Variants in HEATR5B observed in about 807,000 individuals in gnomAD.
HEATR5B encodes the protein HEAT repeat containing 5B.
A neutral mutation model predicts 224.1 loss-of-function variants in HEATR5B; 156 were observed. That is an observed-to-expected ratio of 0.70 (90% CI 0.61 to 0.80). The LOEUF is 0.80. Among genes scored for constraint, HEATR5B ranks in the 30% least tolerant of loss-of-function variants. HEATR5B has a pLI of 0.00. For synonymous variants in HEATR5B, 1,027 were observed against 893.0 expected, an observed-to-expected ratio of 1.15 and a Z score of -2.68; for missense variants, 2,323 against 2,535.5, an observed-to-expected ratio of 0.92 and a Z score of 1.80.
chr2:37,046,001 C>G (rs546597079), intron 18 of HEATR5B, among the ~76,000 whole-genome samples: 72 of 152,210 alleles, frequency 4.7e-4, no homozygotes, highest in African/African-American at 1.3e-3. Context: ...CCTGTACATT[C>G]TTTTAATGTT....
chr2:37,030,636 C>T (rs962998336), intron 22 of HEATR5B, among the ~76,000 whole-genome samples: 7 of 152,276 alleles, frequency 4.6e-5, no homozygotes, highest in Middle Eastern at 3.4e-3. Context: ...AATATCTATT[C>T]CCACTTTTCC....
At chr2:37,076,736 AT>A (rs2148602925) in intron 4 of HEATR5B, among the ~76,000 whole-genome samples, 174 bp downstream of exon 4, 1 of 152,084 alleles carries the variant, frequency 6.6e-6, no homozygotes, top group South Asian at 2.1e-4. Context: ...AAAGAAAAGC[AT>A]TCTTTCCCTT....
At chr2:37,045,219 G>C (rs1314490010) in intron 18 of HEATR5B, among the ~76,000 whole-genome samples, 3 of 151,146 alleles carry the variant, frequency 2.0e-5, no homozygotes, top group Admixed American at 6.6e-5. Flanking sequence ...TCTATTGATT[G>C]ATGTTTTCTC....
At chr2:37,012,495 A>AT (rs1186867553) in intron 27 of HEATR5B, among the ~76,000 whole-genome samples, 6 of 152,046 alleles carry the variant, frequency 3.9e-5, no homozygotes, top group Middle Eastern at 3.4e-3. Flanking sequence ...GGTTCAAGTG[A>AT]TTCTCCTGCC....
intron 33 of HEATR5B, among the ~76,000 whole-genome samples, chr2:36,996,682 C>A (rs1044594122): frequency 2.0e-5 from 3 of 152,098 alleles, no homozygotes; most frequent in Admixed American, 1.3e-4. Flanking sequence ...GCCTCTGCAT[C>A]CCTGGATTCA....
chr2:37,055,415 T>C (rs1670845866), intron 16 of HEATR5B, among the ~76,000 whole-genome samples: 1 of 152,192 alleles, frequency 6.6e-6, no homozygotes, highest in African/African-American at 2.4e-5. Context: ...TAACCTTGGG[T>C]AAACCAAACT....
At chr2:37,055,130 C>T (rs1479394369) in intron 16 of HEATR5B, 2 of 395,402 alleles carry the variant, frequency 5.1e-6, no homozygotes, top group Non-Finnish European at 5.3e-6. Context: ...GCACAGCCTG[C>T]TGGTTGAAAA....
chr2:37,075,839 T>C (rs1002314158), intron 4 of HEATR5B: 5 of 375,360 alleles, frequency 1.3e-5, no homozygotes, highest in East Asian at 4.3e-5. Context: ...TCTAAAAAAT[T>C]AGGTTTTAAG....
chr2:37,040,777 C>A (rs991903833), intron 19 of HEATR5B, among the ~76,000 whole-genome samples: 3 of 151,212 alleles, frequency 2.0e-5, no homozygotes, highest in African/African-American at 7.3e-5. Context: ...AGCCAATGAC[C>A]CAGGACCTAC....
intron 32 of HEATR5B, among the ~76,000 whole-genome samples, chr2:37,001,074 C>T (rs1364871523): frequency 1.3e-5 from 2 of 152,052 alleles, no homozygotes; most frequent in African/African-American, 4.8e-5. Flanking sequence ...TAATACTTCA[C>T]CTATTTAATA....
Position 37,008,792 on chromosome 2 carries a change from T to C in HEATR5B, c.4341A>G (p.Ala1447=). ...CATCATCATCGTCAGTATTTTTAAT[T>C]GCTCTTTTTGGTTTTGACTCTGCTT... ...KKEAESKPKR[A]IKNTDDDDDD... The change falls in exon 28 of 36, where the codon GCA becomes GCG. Residue 1447 remains alanine (A), a synonymous_variant. Coordinates refer to ENST00000233099, the MANE Select transcript of HEATR5B (RefSeq NM_019024.3). The C allele has an allele frequency of 1.4e-5, 23 of 1,614,168 alleles. No homozygotes were observed. The highest frequency in any genetic ancestry group is 1.9e-5 in the Non-Finnish European group (23 of 1,180,010).
chr2:37,013,730 C>G (rs1667936076), intron 27 of HEATR5B, 111 bp downstream of exon 27: 1 of 761,364 alleles, frequency 1.3e-6, no homozygotes, highest in Non-Finnish European at 2.1e-6. Context: ...TATTCCATAT[C>G]AAGGGTTAGT....
In HEATR5B at chr2:37,020,806, A is replaced by T. The variant is rs1363595835; in HGVS notation, c.3884T>A (p.Leu1295His). ...TGCAGCCATGAATGCCATGCGAATGAGGTCAGAGAGATGAAGTACCAAGAG... is the reference window on the plus strand; with the variant it reads ...TGCAGCCATGAATGCCATGCGAATGTGGTCAGAGAGATGAAGTACCAAGAG... ...NDLLVLHLSD[L>H]IRMAFMAATD... Residue 1295 changes from leucine to histidine, a missense_variant, in exon 25 of 36, where the codon CTC becomes CAC. This residue lies in a region of HEATR5B where 339 missense variants were observed against 378.4 expected (regional missense o/e 0.90). Coordinates refer to ENST00000233099, the MANE Select transcript of HEATR5B (RefSeq NM_019024.3). 6.3e-7 allele frequency: 1 copy of T among 1,575,068 alleles called. No individual in the cohort carries two copies. Among genetic ancestry groups the T allele is most frequent in the East Asian group, 2.3e-5 (1 of 43,698 alleles).
intron 5 of HEATR5B, 134 bp downstream of exon 5, chr2:37,075,351 A>G: frequency 1.6e-6 from 1 of 630,802 alleles, no homozygotes; most frequent in Non-Finnish European, 2.7e-6. Flanking sequence ...ATACTATTAT[A>G]TATAATTCTA....
At chr2:37,057,652 C>A (rs1053504742) in intron 14 of HEATR5B, among the ~76,000 whole-genome samples, 172 bp from the exon 15 acceptor site, 4 of 152,116 alleles carry the variant, frequency 2.6e-5, no homozygotes, top group Non-Finnish European at 5.9e-5. Context: ...AATAATGGTA[C>A]TTCCTTTCAT....
chr2:37,025,535 A>T (rs1668716087), intron 24 of HEATR5B, among the ~76,000 whole-genome samples: 3 of 151,938 alleles, frequency 2.0e-5, no homozygotes, highest in African/African-American at 7.2e-5. Flanking sequence ...AAAAACAGAA[A>T]ACCTTAGAGA....
At chr2:37,017,259 C>T (rs1208588688) in intron 26 of HEATR5B, among the ~76,000 whole-genome samples, 1 of 152,124 alleles carries the variant, frequency 6.6e-6, no homozygotes. Flanking sequence ...GTGGCACACA[C>T]CTGTAATCCC....
chr2:37,000,904 G>A, intron 32 of HEATR5B, 91 bp from the exon 33 acceptor site: 2 of 817,714 alleles, frequency 2.4e-6, no homozygotes, highest in Non-Finnish European at 1.9e-6. Context: ...ATTTGATTGT[G>A]GTTTAATATT....
rs1158529502 is a variant in HEATR5B at position 37,008,790 on chromosome 2, A to AT, written c.4342dup (p.Ile1448AsnfsTer2). On this transcript the variant is annotated frameshift_variant, in exon 28 of 36. Transcript: ENST00000233099. LOFTEE classifies it high-confidence loss of function. ...GTCATCATCATCGTCAGTATTTTTA[A>AT]TTGCTCTTTTTGGTTTTGACTCTGC... The AT allele has an allele frequency of 6.2e-7, 1 of 1,613,906 alleles. No homozygotes were observed. The highest frequency in any genetic ancestry group is 8.5e-7 in the Non-Finnish European group (1 of 1,179,984).
Sources: gnomAD v4.1 joint callset for allele counts (sites outside exome capture counted in the v4.1 genomes callset) on GRCh38, gnomAD v4.1.1 for gene constraint, gnomAD v4.1.1 regional missense constraint, MANE v1.5 for transcripts, NCBI Gene and HGNC (gene_info 2026-07-23, HGNC 2026-07-21) for gene names.